The following BCAP31 variants were observed in gnomAD, a reference collection of about 807,000 sequenced individuals.
The protein encoded by BCAP31 is B cell receptor associated protein 31, also known as B-cell receptor-associated protein 31.
For missense variants in BCAP31, 124 were observed against 193.0 expected, an observed-to-expected ratio of 0.64 and a Z score of 2.12; for synonymous variants, 75 against 80.9, an observed-to-expected ratio of 0.93 and a Z score of 0.39.
At chrX:153,705,893 G>A (rs1557048236) in intron 4 of BCAP31, among the ~76,000 whole-genome samples, 1 of 112,335 alleles carries the variant, frequency 8.9e-6, no homozygotes, top group African/African-American at 3.2e-5. Context: ...GAGTGCCCAT[G>A]GCTGTCACCC....
At chrX:153,711,167 G>A (rs1452985755) in intron 4 of BCAP31, among the ~76,000 whole-genome samples, 1 of 17 alleles carries the variant, frequency 0.059, no homozygotes, top group Non-Finnish European at 0.091. Context: ...GCAGGGGGCT[G>A]CGTCCTCGAT....
chrX:153,714,636 T>C (rs1286159631), intron 4 of BCAP31, among the ~76,000 whole-genome samples: 11 of 111,013 alleles, frequency 9.9e-5, no homozygotes, highest in African/African-American at 3.6e-4. Context: ...AAGAATCTCC[T>C]AGGCATGGAG....
At chrX:153,704,153 G>A in intron 4 of BCAP31, 59 bp from the exon 5 acceptor site, 4 of 1,142,661 alleles carry the variant, frequency 3.5e-6, no homozygotes, top group South Asian at 3.8e-5. Context: ...GGGCTGGCAG[G>A]AGCACCTCCT....
In BCAP31 at chrX:153,715,598, C is replaced by T. The variant is rs1221871621; in HGVS notation, c.285G>A (p.Lys95=). The stretch of plus-strand genomic sequence containing the variant: ...AGAGATTCCTCTGGGCACGGAAAAG[C>T]TTCATGTGGAAGTGCTCCATGGCCC... ...NPGAMEHFHM[K]LFRAQRNLYI... Residue 95 remains lysine, a synonymous_variant, in exon 4 of 8, where the codon AAG becomes AAA. Transcript: ENST00000345046. 1 of 1,211,705 alleles carries T rather than the reference C, an allele frequency of 8.3e-7. No individual in the cohort carries two copies. Among genetic ancestry groups the T allele is most frequent in the Non-Finnish European group, 1.1e-6 (1 of 895,324 alleles).
Position 153,702,925 on chromosome X carries a change from C to T in BCAP31, c.601+10G>A, listed in dbSNP as rs781941824. ...TTCCCTGCGGGGAAGGACACGAGGT[C>T]GAGCCTCACTTTGCTTAGTGCTGGC... On this transcript the variant is annotated intron_variant, in intron 6 of 7. Coordinates refer to ENST00000345046, the MANE Select transcript of BCAP31 (RefSeq NM_001256447.2). The T allele has an allele frequency of 3.3e-6, 4 of 1,208,813 alleles. No homozygotes were observed. The highest frequency in any genetic ancestry group is 2.2e-5 in the Admixed American group (1 of 46,089).
intron 4 of BCAP31, among the ~76,000 whole-genome samples, chrX:153,710,203 G>A (rs1837032483): frequency 8.9e-6 from 1 of 111,868 alleles, no homozygotes; most frequent in South Asian, 3.8e-4. Context: ...CGTCCTGGAG[G>A]ATCCATGTGA....
At chrX:153,704,330 G>A (rs2091539804) in intron 4 of BCAP31, among the ~76,000 whole-genome samples, 1 of 112,404 alleles carries the variant, frequency 8.9e-6, no homozygotes, top group Admixed American at 9.4e-5. Context: ...CAGAGGGGCT[G>A]GAAGCAGGAG....
At chrX:153,720,264 C>T (rs1268941487) in intron 3 of BCAP31, among the ~76,000 whole-genome samples, 3 of 110,804 alleles carry the variant, frequency 2.7e-5, no homozygotes, top group South Asian at 3.8e-4. Flanking sequence ...AAACCTTAGG[C>T]GTCCCTCCTT....
At chrX:153,713,769 C>A (rs1350132511) in intron 4 of BCAP31, among the ~76,000 whole-genome samples, 1 of 110,677 alleles carries the variant, frequency 9.0e-6, no homozygotes, top group Non-Finnish European at 1.9e-5. Flanking sequence ...TGACCACCTA[C>A]CCTCCATCTC....
chrX:153,717,155 C>T, intron 3 of BCAP31, among the ~76,000 whole-genome samples: 1 of 112,338 alleles, frequency 8.9e-6, no homozygotes, highest in Middle Eastern at 4.7e-3. Flanking sequence ...TACTATATTC[C>T]CAGGGCCTGG....
At chrX:153,709,579 G>A (rs2091576218) in intron 4 of BCAP31, among the ~76,000 whole-genome samples, 1 of 112,697 alleles carries the variant, frequency 8.9e-6, no homozygotes, top group South Asian at 3.6e-4. Context: ...TTGGCAGGAA[G>A]GGAACAGGAG....
intron 2 of BCAP31, among the ~76,000 whole-genome samples, chrX:153,722,857 G>C (rs2091676788): frequency 9.1e-6 from 1 of 110,341 alleles, no homozygotes; most frequent in Admixed American, 9.6e-5. Context: ...TGGACCAAGA[G>C]TGGGTGGGAG....
intron 1 of BCAP31, chrX:153,724,005 G>A (rs1557051733): frequency 1.1e-5 from 4 of 372,684 alleles, no homozygotes; most frequent in Admixed American, 3.0e-5. Flanking sequence ...TCAGAAGCCA[G>A]GGGTCCTTAC....
At chrX:153,716,578 CAA>C (rs782072647) in intron 3 of BCAP31, among the ~76,000 whole-genome samples, 2,267 of 27,212 alleles carry the variant, frequency 0.083, 71 homozygotes, top group African/African-American at 0.18. Context: ...TCTCTCTCAA[CAA>C]AAAAAAAAAA....
chrX:153,700,682 G>A lies in BCAP31; in HGVS notation c.*255C>T, dbSNP rs782239440. ...GTGCTCTCCACGCTCAGGCGTGGAA[G>A]CCAAGGCTGTGCCAGGCCTGGCCAG... On this transcript the variant is annotated 3_prime_UTR_variant, in exon 8 of 8. Transcript: ENST00000345046. 3.8e-5 allele frequency: 13 copies of A among 343,476 alleles called. No individual in the cohort carries two copies. The highest frequency in any genetic ancestry group is 1.4e-4 in the African/African-American group (5 of 36,423). 28.3% of individuals were successfully genotyped at this position (343,476 alleles called of 1,213,427 possible). A position where few individuals can be genotyped will look rare whatever the true frequency, so the allele number is the denominator to read the frequency against.
rs782561885 is a variant in BCAP31, at chrX:153,703,975, T to A, written c.461A>T (p.Asn154Ile). The A allele has an allele frequency of 8.3e-7, 1 of 1,211,295 alleles. No individual in the cohort carries two copies. Among genetic ancestry groups the A allele is most frequent in the East Asian group, 3.0e-5 (1 of 33,805 alleles). The change falls in exon 5 of 8, where the codon AAT (asparagine) becomes ATT (isoleucine). Residue 154 changes from asparagine to isoleucine, a missense_variant. Asn to Ile is a moderately radical substitution (Grantham distance 149, BLOSUM62 -3). Transcript: ENST00000345046. The part of the protein sequence containing the change: ...SEAAKKYMEE[N>I]DQLKKGAAVD... Reference sequence around the variant, plus strand: ...TGGGCTCACCTTCTTGAGCTGGTCATTCTCCTCCATGTACTTCTTGGCCGC... The same window carrying A: ...TGGGCTCACCTTCTTGAGCTGGTCAATCTCCTCCATGTACTTCTTGGCCGC...
At chrX:153,710,814 C>T (rs7060208) in intron 4 of BCAP31, among the ~76,000 whole-genome samples, 43 of 110,982 alleles carry the variant, frequency 3.9e-4, no homozygotes, top group African/African-American at 1.4e-3. Flanking sequence ...CCAGAATGTG[C>T]TCCCCTCCTT....
chrX:153,717,967 C>T (rs1453899531), intron 3 of BCAP31, among the ~76,000 whole-genome samples: 2 of 111,966 alleles, frequency 1.8e-5, no homozygotes, highest in Non-Finnish European at 3.8e-5. Context: ...GAATGGATTA[C>T]GGCACAACCA....
chrX:153,707,276 A>C (rs1384114047), intron 4 of BCAP31, among the ~76,000 whole-genome samples: 1 of 109,320 alleles, frequency 9.1e-6, no homozygotes, highest in Admixed American at 9.8e-5. Context: ...CTACCAGGCT[A>C]TGAAGGTCTT....
Sources: allele counts gnomAD v4.1 joint callset (sites outside exome capture counted in the v4.1 genomes callset), GRCh38; gene constraint gnomAD v4.1.1; transcripts MANE v1.5; gene names NCBI Gene and HGNC (gene_info 2026-07-23, HGNC 2026-07-21).